The following LRIG1 variants were observed in gnomAD, a reference collection of about 807,000 sequenced individuals.
LRIG1 encodes leucine-rich repeats and immunoglobulin-like domains protein 1.
A neutral mutation model predicts 99.2 loss-of-function variants in LRIG1; 48 were observed. That is an observed-to-expected ratio of 0.48 (90% CI 0.38 to 0.62). The LOEUF is 0.62. LRIG1 is among the 20% of genes least tolerant of loss of function. The pLI is 0.00. For missense variants in LRIG1, 1,646 were observed against 1,434.4 expected, an observed-to-expected ratio of 1.15 and a Z score of -2.38; for synonymous variants, 772 against 596.1, an observed-to-expected ratio of 1.29 and a Z score of -4.30.
intron 3 of LRIG1, among the ~76,000 whole-genome samples, chr3:66,423,533 C>T (rs76711666): frequency 6.6e-5 from 10 of 152,198 alleles, no homozygotes; most frequent in Admixed American, 4.6e-4. Flanking sequence ...ATCACGCCAC[C>T]GCACTCCAGC....
intron 5 of LRIG1, 114 bp from the exon 6 acceptor site, chr3:66,413,128 G>A: frequency 8.1e-7 from 1 of 1,228,368 alleles, no homozygotes; most frequent in Non-Finnish European, 1.2e-6. Flanking sequence ...CCAGTGCAGG[G>A]ATCCCTGGGA....
rs768740259 is a variant in LRIG1, at chr3:66,500,329, G to T, written c.79C>A (p.Arg27=). The part of the protein sequence containing the change: ...CLLLLWLLLL[R]LEPVTAAAGP... ...GCCGCGGCGGTCACCGGCTCCAGCCGAAGCAAAAGCAGCCAGAGAAGGAGA... is the reference window on the plus strand; with the variant it reads ...GCCGCGGCGGTCACCGGCTCCAGCCTAAGCAAAAGCAGCCAGAGAAGGAGA... The change falls in exon 1 of 19, where the codon CGG becomes AGG. Residue 27 remains arginine, a synonymous_variant. Transcript: ENST00000273261. 1 of 1,495,126 alleles carries T rather than the reference G, an allele frequency of 6.7e-7. No homozygotes were observed. The allele number at this position is 1,495,126 out of a possible 1,614,324, so 92.6% of individuals were successfully genotyped here. A position where few individuals can be genotyped will look rare whatever the true frequency, so the allele number is the denominator to read the frequency against.
intron 8 of LRIG1, chr3:66,406,480 T>C: frequency 1.1e-6 from 1 of 941,610 alleles, no homozygotes; most frequent in South Asian, 4.9e-5. Flanking sequence ...TCCCTGGCAA[T>C]GGCTCCACAT....
At chr3:66,480,391 C>T (rs1470907559) in intron 1 of LRIG1, among the ~76,000 whole-genome samples, 6 of 151,338 alleles carry the variant, frequency 4.0e-5, no homozygotes, top group South Asian at 4.2e-4. Flanking sequence ...CGCAAATCTA[C>T]GAATATACTA....
At position 66,405,837 on chromosome 3, in the gene LRIG1, C is replaced by T; in HGVS notation, c.1080-559G>A. ...CTGAGCCAGGGAGGACATCTGGGTG[C>T]TGAGTCAGACTTGTGACCCACTCGC... On this transcript the variant is annotated intron_variant, in intron 8 of 18. Transcript: ENST00000273261. 2.7e-6 allele frequency: 3 copies of T among 1,130,086 alleles called. No individual in the cohort carries two copies. In the South Asian group the frequency reaches 5.9e-5, roughly 22 times the overall value. The allele number at this position is 1,130,086 out of a possible 1,614,324, so 70.0% of individuals were successfully genotyped here.
Position 66,380,141 on chromosome 3 carries a change from A to G in LRIG1, c.*122T>C, listed in dbSNP as rs1407884025. 4.0e-6 allele frequency: 3 copies of G among 744,434 alleles called. No individual in the cohort carries two copies. Among genetic ancestry groups the G allele is most frequent in the Non-Finnish European group, 4.3e-6 (2 of 468,346 alleles). 46.1% of individuals were successfully genotyped at this position (744,434 alleles called of 1,614,324 possible). ...GATCCAAGTCCTGTGAGCGACTGAT[A>G]CTCCACATGGGAGTTACAACTATGT... On this transcript the variant is annotated 3_prime_UTR_variant, in exon 19 of 19. Transcript: ENST00000273261.
rs1479757427 is a variant in LRIG1, at chr3:66,385,932, G to C, written c.1789+49C>G. ...TGGAAAGCTGAAAGGGCAATCAGGA[G>C]TGTGCTTTGTAGGATTCTGGTACTA... On this transcript the variant is annotated intron_variant, in intron 13 of 18. Transcript: ENST00000273261. 8.6e-6 allele frequency: 13 copies of C among 1,519,586 alleles called. No individual in the cohort carries two copies. The East Asian group carries it at 2.9e-4, about 34-fold the overall frequency. The allele number at this position is 1,519,586 out of a possible 1,614,324, so 94.1% of individuals were successfully genotyped here. A position where few individuals can be genotyped will look rare whatever the true frequency, so the allele number is the denominator to read the frequency against.
chr3:66,466,481 T>C (rs763753924), intron 1 of LRIG1, among the ~76,000 whole-genome samples: 5 of 152,112 alleles, frequency 3.3e-5, no homozygotes, highest in East Asian at 1.9e-4. Flanking sequence ...AACATTGCCA[T>C]TTTTTTTCCA....
intron 3 of LRIG1, among the ~76,000 whole-genome samples, chr3:66,420,693 G>C (rs774041649): frequency 2.0e-5 from 3 of 152,218 alleles, no homozygotes; most frequent in Non-Finnish European, 4.4e-5. Context: ...GTCACAAAAA[G>C]ACAAATGCTG....
Position 66,380,462 on chromosome 3 carries a change from A to T in LRIG1, c.3083T>A (p.Leu1028Ter). The part of the protein sequence containing the change: ...KGDSSWTLAR[L>*]YHPDSTELQP... ...TAGCTCTGTGGAGTCCGGGTGATAC[A>T]ACCTTGCTAAAGTCCAGGAAGAATC... Residue 1028 changes from leucine to a stop codon, truncating the protein, a stop_gained, in exon 19 of 19, where the codon TTG becomes TAG. Coordinates refer to ENST00000273261, the MANE Select transcript of LRIG1 (RefSeq NM_015541.3). LOFTEE classifies it low-confidence loss of function (END_TRUNC). The T allele has an allele frequency of 6.2e-7, 1 of 1,614,150 alleles. No homozygotes were observed. The highest frequency in any genetic ancestry group is 1.1e-5 in the South Asian group (1 of 91,082).
chr3:66,446,163 A>G (rs985951118), intron 3 of LRIG1, among the ~76,000 whole-genome samples: 3 of 151,968 alleles, frequency 2.0e-5, no homozygotes, highest in African/African-American at 7.3e-5. Flanking sequence ...AAGTATTCCT[A>G]TTGACTTTAC....
At chr3:66,419,161 C>A (rs1248505459) in intron 3 of LRIG1, among the ~76,000 whole-genome samples, 2 of 152,128 alleles carry the variant, frequency 1.3e-5, no homozygotes, top group Non-Finnish European at 2.9e-5. Flanking sequence ...GCCACCGGCC[C>A]AGAAAGGCAC....
chr3:66,446,891 G>T (rs1218301358), intron 3 of LRIG1, among the ~76,000 whole-genome samples: 1 of 151,616 alleles, frequency 6.6e-6, no homozygotes, highest in Non-Finnish European at 1.5e-5. Flanking sequence ...TGGTTACCAG[G>T]GGCTAGGGTG....
chr3:66,494,968 A>G (rs955340739), intron 1 of LRIG1, among the ~76,000 whole-genome samples: 1 of 152,228 alleles, frequency 6.6e-6, no homozygotes, highest in South Asian at 2.1e-4. Flanking sequence ...CAAAACATAA[A>G]TGCAGGTCCC....
chr3:66,393,999 T>C, intron 12 of LRIG1, 41 bp downstream of exon 12: 2 of 1,608,124 alleles, frequency 1.2e-6, no homozygotes, highest in Non-Finnish European at 1.7e-6. Flanking sequence ...GGCTTCCTTG[T>C]CCTTCATGAA....
At chr3:66,496,701 G>A (rs1701235281) in intron 1 of LRIG1, among the ~76,000 whole-genome samples, 1 of 152,026 alleles carries the variant, frequency 6.6e-6, no homozygotes, top group Non-Finnish European at 1.5e-5. Context: ...TATGGAGAAG[G>A]AAATATTTCA....
intron 9 of LRIG1, chr3:66,404,316 C>T: frequency 7.8e-7 from 1 of 1,289,050 alleles, no homozygotes; most frequent in Non-Finnish European, 1.0e-6. Flanking sequence ...AGCTCCCCGT[C>T]ACTGGGGACG....
At chr3:66,404,164 TA>T in intron 9 of LRIG1, 1 of 1,018,018 alleles carries the variant, frequency 9.8e-7, no homozygotes, top group Non-Finnish European at 1.3e-6. Context: ...CCCTTGTATA[TA>T]AAAGGTGCAA....
intron 17 of LRIG1, among the ~76,000 whole-genome samples, chr3:66,381,180 A>G (rs1559762609): frequency 6.6e-6 from 1 of 152,176 alleles, no homozygotes; most frequent in African/African-American, 2.4e-5. Flanking sequence ...TAAGCCTCAA[A>G]ATAGCCCTGG....
Sources: allele counts gnomAD v4.1 joint callset (sites outside exome capture counted in the v4.1 genomes callset), GRCh38; gene constraint gnomAD v4.1.1; transcripts MANE v1.5; gene names NCBI Gene and HGNC (gene_info 2026-07-23, HGNC 2026-07-21).